Variants in TRMT44 observed in about 807,000 individuals in gnomAD.
TRMT44 encodes tRNA methyltransferase 44 homolog, also known as probable tRNA (uracil-O(2)-)-methyltransferase.
A neutral mutation model predicts 77.3 loss-of-function variants in TRMT44; 78 were observed. The ratio of observed to expected loss-of-function variants is 1.01; its 90% CI spans 0.84 to 1.22. TRMT44 has a LOEUF of 1.22. Among genes scored for constraint, TRMT44 ranks in the 50% most tolerant of loss-of-function variants. The pLI is 0.00. For synonymous variants in TRMT44, 391 were observed against 383.3 expected (o/e 1.02, Z -0.23); for missense variants, 1,090 against 964.4 (o/e 1.13, Z -1.73).
chr4:8,504,901 C>T, the TRMT44 span, among the ~76,000 whole-genome samples: 3 of 152,170 alleles, frequency 2.0e-5, no homozygotes, highest in South Asian at 2.1e-4. This position sits in a 1 kb window ranked among gnomAD's most constrained non-coding sequence, Gnocchi z 5.3. Flanking sequence ...CGCAGGGTAC[C>T]TGTTGCTGTA....
chr4:8,502,787 GCAGGTCC>G, the TRMT44 span, among the ~76,000 whole-genome samples: 1 of 152,182 alleles, frequency 6.6e-6, no homozygotes, highest in African/African-American at 2.4e-5. Flanking sequence ...TTGGTGAGAC[GCAGGTCC>G]CAGGTCCCAG....
At chr4:8,486,115 GA>G (rs1282661326) in intron 2 of TRMT44, among the ~76,000 whole-genome samples, 1 of 152,188 alleles carries the variant, frequency 6.6e-6, no homozygotes, top group African/African-American at 2.4e-5. Context: ...GGGGCTCTGG[GA>G]GTGGCTGCCA....
At chr4:8,511,499 C>A in the TRMT44 span, among the ~76,000 whole-genome samples, 1 of 152,164 alleles carries the variant, frequency 6.6e-6, no homozygotes, top group Non-Finnish European at 1.5e-5. Flanking sequence ...GTTATCCTGG[C>A]TTGGTGCTGG....
chr4:8,468,420 C>G (rs1726755323), intron 9 of TRMT44, 74 bp downstream of exon 9: 1 of 1,459,400 alleles, frequency 6.9e-7, no homozygotes, highest in African/African-American at 1.4e-5. Context: ...GTCTTCAGAA[C>G]CGACATGAAA....
chr4:8,458,464 CT>C (rs56203512), intron 6 of TRMT44, among the ~76,000 whole-genome samples: 34,500 of 130,018 alleles, frequency 0.27, 4,181 homozygotes, highest in Admixed American at 0.36. Context: ...CTTTTCTTTT[CT>C]TTTTTTTTTT....
intron 6 of TRMT44, among the ~76,000 whole-genome samples, chr4:8,462,887 G>C (rs1436526240): frequency 1.3e-5 from 2 of 152,196 alleles, no homozygotes; most frequent in East Asian, 3.8e-4. Context: ...TCTAGAATGA[G>C]TGGGAATCAA....
At chr4:8,515,601 T>G in the TRMT44 span, among the ~76,000 whole-genome samples, 1 of 152,070 alleles carries the variant, frequency 6.6e-6, no homozygotes, top group African/African-American at 2.4e-5. Context: ...AGGAAAGGCT[T>G]TCAGGGGGAT....
intron 9 of TRMT44, among the ~76,000 whole-genome samples, chr4:8,469,853 C>T (rs1431691084): frequency 6.6e-6 from 1 of 152,250 alleles, no homozygotes. Flanking sequence ...GGCACCTCTG[C>T]GTTTCTGTGC....
the TRMT44 span, among the ~76,000 whole-genome samples, chr4:8,505,003 C>T: frequency 6.6e-6 from 1 of 152,196 alleles, no homozygotes; most frequent in Admixed American, 6.5e-5. Context: ...GCATGCTGCC[C>T]CCAGCCGCAG....
chr4:8,457,508 C>T (rs536760923), intron 6 of TRMT44, among the ~76,000 whole-genome samples: 1 of 152,184 alleles, frequency 6.6e-6, no homozygotes, highest in South Asian at 2.1e-4. Context: ...AACACAGCTT[C>T]TCTTTTCAGC....
intron 2 of TRMT44, among the ~76,000 whole-genome samples, chr4:8,448,240 A>T (rs370932583): frequency 1.3e-5 from 2 of 152,278 alleles, no homozygotes; most frequent in East Asian, 3.9e-4. Flanking sequence ...TCCACTGTCG[A>T]TGTGCGTGCT....
chr4:8,479,745 A>G (rs910710046), downstream of TRMT44, among the ~76,000 whole-genome samples: 2 of 152,210 alleles, frequency 1.3e-5, no homozygotes, highest in African/African-American at 2.4e-5. Flanking sequence ...TACTAAAAAA[A>G]TGTCTTCAAT....
the TRMT44 span, among the ~76,000 whole-genome samples, chr4:8,498,944 C>G: frequency 1.3e-5 from 2 of 152,048 alleles, no homozygotes; most frequent in South Asian, 4.2e-4. The surrounding 1 kb of genome is among the most constrained non-coding windows in gnomAD (Gnocchi z 4.3). Context: ...AGGAGGTACC[C>G]TTGAGCTGGA....
chr4:8,460,315 A>G (rs1726064478), intron 6 of TRMT44, among the ~76,000 whole-genome samples: 1 of 152,114 alleles, frequency 6.6e-6, no homozygotes, highest in African/African-American at 2.4e-5. Context: ...TTGTTTTATG[A>G]GATGAAAAAA....
intron 2 of TRMT44, among the ~76,000 whole-genome samples, chr4:8,492,962 C>G (rs1458105894): frequency 6.6e-6 from 1 of 152,190 alleles, no homozygotes; most frequent in Non-Finnish European, 1.5e-5. Context: ...TCAGGACTTC[C>G]TGAGGCTGTG....
the TRMT44 span, among the ~76,000 whole-genome samples, chr4:8,513,847 C>T: frequency 6.6e-6 from 1 of 152,210 alleles, no homozygotes; most frequent in Admixed American, 6.5e-5. Flanking sequence ...ACTACACACC[C>T]ACCAGGGTGA....
chr4:8,490,085 G>A (rs1329047968), intron 2 of TRMT44, among the ~76,000 whole-genome samples: 4 of 152,140 alleles, frequency 2.6e-5, no homozygotes, highest in Non-Finnish European at 5.9e-5. Flanking sequence ...AGGCAATTCA[G>A]CCCACAGGAG....
chr4:8,481,898 C>T (rs1364937954), intron 2 of TRMT44, among the ~76,000 whole-genome samples: 1 of 152,200 alleles, frequency 6.6e-6, no homozygotes, highest in Non-Finnish European at 1.5e-5. Context: ...GAGGAATTGT[C>T]ACTCTTTTCA....
the TRMT44 span, among the ~76,000 whole-genome samples, chr4:8,508,499 C>T: frequency 2.0e-5 from 3 of 152,340 alleles, no homozygotes; most frequent in Non-Finnish European, 4.4e-5. Flanking sequence ...CTCTGCTGGG[C>T]TGCGGAGTTG....
Sources: gnomAD v4.1 joint callset for allele counts (sites outside exome capture counted in the v4.1 genomes callset) on GRCh38, gnomAD v4.1.1 for gene constraint, Gnocchi (gnomAD v3.1) non-coding constraint, MANE v1.5 for transcripts, NCBI Gene and HGNC (gene_info 2026-07-23, HGNC 2026-07-21) for gene names.